SUZ12: variants seen among roughly 807,000 people sequenced by gnomAD.
SUZ12 encodes the protein polycomb protein SUZ12.
SUZ12 carries 17 observed loss-of-function variants against 87.3 expected under a neutral mutation model. That is an observed-to-expected ratio of 0.19 (90% confidence interval 0.13 to 0.29). SUZ12 has a LOEUF of 0.29. Among genes scored for constraint, SUZ12 ranks in the 10% least tolerant of loss-of-function variants. The probability of loss-of-function intolerance (pLI) is 1.00; values close to 1 mark genes in which losing one functional copy is unlikely to be tolerated. For synonymous variants in SUZ12, 253 were observed against 312.4 expected, an observed-to-expected ratio of 0.81 and a Z score of 2.01; for missense variants, 526 against 912.2, an observed-to-expected ratio of 0.58 and a Z score of 5.45.
intron 1 of SUZ12, among the ~76,000 whole-genome samples, chr17:31,939,891 C>T (rs1172996164): frequency 9.9e-5 from 15 of 152,152 alleles, no homozygotes. Flanking sequence ...TGGCATCAAT[C>T]AATAGTTCTT....
chr17:31,997,981 C>A (rs535756934), intron 15 of SUZ12, among the ~76,000 whole-genome samples: 7 of 151,986 alleles, frequency 4.6e-5, no homozygotes, highest in African/African-American at 7.2e-5. Context: ...CTCACACTTA[C>A]AATGCTGGCA....
intron 3 of SUZ12, among the ~76,000 whole-genome samples, chr17:31,946,750 A>G (rs901050297): frequency 8.5e-5 from 13 of 152,192 alleles, no homozygotes; most frequent in Middle Eastern, 3.2e-3. Context: ...TTAGACTCTT[A>G]TCTCTAGAAC....
chr17:31,968,050 G>A (rs1471873606), intron 5 of SUZ12, among the ~76,000 whole-genome samples: 11 of 152,202 alleles, frequency 7.2e-5, no homozygotes, highest in South Asian at 4.1e-4. Context: ...CTATTCTGTA[G>A]TCTCAGCTAC....
At chr17:31,996,138 A>T (rs1240951422) in intron 14 of SUZ12, among the ~76,000 whole-genome samples, 1 of 152,196 alleles carries the variant, frequency 6.6e-6, no homozygotes, top group Non-Finnish European at 1.5e-5. Flanking sequence ...TAACCCCAGG[A>T]GATGGAGGTT....
chr17:31,959,499 G>A (rs1209528712), intron 4 of SUZ12, among the ~76,000 whole-genome samples: 6 of 152,154 alleles, frequency 3.9e-5, no homozygotes, highest in African/African-American at 2.4e-5. Context: ...TGGACTTGAT[G>A]TAGACACGAG....
intron 4 of SUZ12, among the ~76,000 whole-genome samples, chr17:31,958,387 T>C (rs1161703662): frequency 1.3e-5 from 2 of 152,214 alleles, no homozygotes; most frequent in Non-Finnish European, 2.9e-5. Flanking sequence ...TCCCTACTTT[T>C]CTATTTTGTA....
intron 4 of SUZ12, among the ~76,000 whole-genome samples, chr17:31,955,175 C>T (rs1435981075): frequency 1.3e-5 from 2 of 152,098 alleles, no homozygotes; most frequent in Non-Finnish European, 2.9e-5. Context: ...GATCATGGCT[C>T]AACTACAGCC....
Position 31,940,470 on chromosome 17 carries a change from A to G in SUZ12, c.370A>G (p.Arg124Gly). 6.3e-7 allele frequency: 1 copy of G among 1,582,860 alleles called. No homozygotes were observed. Among genetic ancestry groups the G allele is most frequent in the Non-Finnish European group, 8.6e-7 (1 of 1,164,166 alleles). ...TACTTACATGTCTCATCGAAACTCC[A>G]GAACAAACATCAAAAGGTACATTTT... ...TLTYMSHRNS[R>G]TNIKRKTFKV... Residue 124 changes from arginine (R) to glycine (G), a missense_variant, in exon 3 of 16, where the codon AGA becomes GGA. Arg to Gly is a moderately radical substitution (Grantham distance 125). Around this residue, in one of 9 missense-constraint regions of SUZ12, gnomAD observed 49 missense variants for 73.2 expected, o/e 0.67. Transcript: ENST00000322652.
intron 1 of SUZ12, among the ~76,000 whole-genome samples, chr17:31,938,396 CTACCGCCCAGTGTCCT>C (rs1381130022): frequency 5.9e-5 from 9 of 152,196 alleles, no homozygotes; most frequent in African/African-American, 9.6e-5. Context: ...AAACTTGGCT[CTACCGCCCAGTGTCCT>C]TATTTACAGT....
At chr17:31,956,204 C>T (rs1178221740) in intron 4 of SUZ12, among the ~76,000 whole-genome samples, 2 of 151,888 alleles carry the variant, frequency 1.3e-5, no homozygotes, top group Non-Finnish European at 2.9e-5. Context: ...TGAGCCACCA[C>T]GCCCAGCCAG....
chr17:31,985,781 G>C (rs529443988), intron 9 of SUZ12, among the ~76,000 whole-genome samples: 2 of 151,766 alleles, frequency 1.3e-5, no homozygotes, highest in Non-Finnish European at 2.9e-5. Flanking sequence ...TCCAGCCTCA[G>C]CCTCCTGAGT....
intron 10 of SUZ12, among the ~76,000 whole-genome samples, chr17:31,991,455 G>A (rs1239595287): frequency 6.6e-6 from 1 of 151,842 alleles, no homozygotes; most frequent in African/African-American, 2.4e-5. Context: ...AGAAACCAGT[G>A]AAATAGGTAA....
intron 4 of SUZ12, among the ~76,000 whole-genome samples, chr17:31,951,508 A>G (rs566642388): frequency 1.8e-3 from 251 of 138,624 alleles, no homozygotes; most frequent in African/African-American, 6.2e-3. Context: ...TTTGAGACGG[A>G]GTCTCGCTCT....
At chr17:31,947,080 T>C (rs548309118) in intron 3 of SUZ12, among the ~76,000 whole-genome samples, 1 of 152,314 alleles carries the variant, frequency 6.6e-6, no homozygotes, top group Non-Finnish European at 1.5e-5. Flanking sequence ...GTGATGGTGC[T>C]AGTACATATT....
intron 4 of SUZ12, among the ~76,000 whole-genome samples, chr17:31,955,193 C>A (rs1368852790): frequency 1.3e-5 from 2 of 152,076 alleles, no homozygotes; most frequent in Admixed American, 6.6e-5. Context: ...GCCATGAACT[C>A]CTGGGCTCAA....
At chr17:31,987,567 A>G (rs1909481289) in intron 9 of SUZ12, among the ~76,000 whole-genome samples, 1 of 152,228 alleles carries the variant, frequency 6.6e-6, no homozygotes, top group Non-Finnish European at 1.5e-5. Flanking sequence ...TTTACAAAAA[A>G]AAAAGTAATT....
At chr17:31,955,438 A>G (rs568652265) in intron 4 of SUZ12, among the ~76,000 whole-genome samples, 4 of 152,036 alleles carry the variant, frequency 2.6e-5, no homozygotes, top group Middle Eastern at 3.4e-3. Flanking sequence ...GCAAGATACC[A>G]TGCCTGGATG....
At chr17:31,976,434 T>G (rs1282581743) in intron 7 of SUZ12, 87 bp from the exon 8 acceptor site, 7 of 1,061,034 alleles carry the variant, frequency 6.6e-6, no homozygotes, top group Non-Finnish European at 9.8e-6. Context: ...TTGGGATAAA[T>G]GTAGCATGTT....
intron 1 of SUZ12, 95 bp from the exon 2 acceptor site, chr17:31,940,191 A>G (rs1449357369): frequency 1.2e-5 from 18 of 1,526,028 alleles, no homozygotes; most frequent in Middle Eastern, 4.4e-4. Context: ...TCCATAGCAG[A>G]TGATAAGTTT....
Sources: allele counts gnomAD v4.1 joint callset (sites outside exome capture counted in the v4.1 genomes callset), GRCh38; gene constraint gnomAD v4.1.1; regional missense constraint gnomAD v4.1.1; transcripts MANE v1.5; gene names NCBI Gene and HGNC (gene_info 2026-07-23, HGNC 2026-07-21).